The following RASAL2 variants were observed in gnomAD, a reference collection of about 807,000 sequenced individuals.
RASAL2 encodes the protein RAS protein activator like 2, also known as ras GTPase-activating protein nGAP.
In RASAL2, 58 loss-of-function variants were observed where a neutral mutation model predicts 128.9. The observed-to-expected ratio is 0.45, with a 90% CI of 0.36 to 0.56. RASAL2 has a LOEUF of 0.56. Among genes scored for constraint, RASAL2 ranks in the 20% least tolerant of loss-of-function variants. RASAL2 has a pLI of 0.00. For missense variants in RASAL2, 1,360 were observed against 1,601.6 expected (o/e 0.85, Z 2.57); for synonymous variants, 561 against 580.8 (o/e 0.97, Z 0.49).
chr1:178,203,384 T>G (rs1662938773), intron 1 of RASAL2, among the ~76,000 whole-genome samples: 1 of 152,148 alleles, frequency 6.6e-6, no homozygotes, highest in Non-Finnish European at 1.5e-5. Flanking sequence ...GCCATCTAGG[T>G]GAGAATACTT....
At chr1:178,175,948 C>T (rs945647044) in intron 1 of RASAL2, among the ~76,000 whole-genome samples, 1 of 152,082 alleles carries the variant, frequency 6.6e-6, no homozygotes, top group Non-Finnish European at 1.5e-5. Context: ...TCTTTATTCA[C>T]TTATTGGTTG....
intron 1 of RASAL2, among the ~76,000 whole-genome samples, chr1:178,116,849 A>G (rs1420309878): frequency 6.6e-6 from 1 of 152,114 alleles, no homozygotes; most frequent in Non-Finnish European, 1.5e-5. Context: ...TGACCTCGTG[A>G]TCCGCCTGCC....
At chr1:178,107,284 AC>A (rs1354449325) in intron 1 of RASAL2, among the ~76,000 whole-genome samples, 1 of 152,140 alleles carries the variant, frequency 6.6e-6, no homozygotes, top group African/African-American at 2.4e-5. Context: ...AAAATGTATT[AC>A]AAGCATTTTT....
intron 1 of RASAL2, among the ~76,000 whole-genome samples, chr1:178,267,713 A>G (rs963481109): frequency 3.4e-5 from 5 of 147,554 alleles, no homozygotes; most frequent in African/African-American, 1.0e-4. Flanking sequence ...AATTCAAGCT[A>G]TTCCCCTGCC....
In RASAL2 at chr1:178,253,144, G is replaced by A. The variant is rs561021723; in HGVS notation, c.203-30420G>A. 1.6e-3 allele frequency among the ~76,000 whole-genome samples: 242 copies of A among 152,234 alleles called. 1 individual carries two copies. Among genetic ancestry groups the A allele is most frequent in the Middle Eastern group, 3.4e-3 (1 of 294 alleles). ...TCTCTCCTTGTTTCTGGTGGTTGCT[G>A]ACAGTCTTTGGTGTTTCTTGGCATT... is the stretch of plus-strand genomic sequence containing the variant. On this transcript the variant is annotated intron_variant, in intron 1 of 17. Transcript: ENST00000367649.
intron 2 of RASAL2, among the ~76,000 whole-genome samples, chr1:178,283,985 T>C (rs1666906720): frequency 6.6e-6 from 1 of 152,054 alleles, no homozygotes; most frequent in Non-Finnish European, 1.5e-5. Flanking sequence ...CTGCAAATGA[T>C]CTCGAGGGGC....
intron 3 of RASAL2, among the ~76,000 whole-genome samples, chr1:178,347,562 G>A (rs931576364): frequency 2.6e-5 from 4 of 152,162 alleles, no homozygotes; most frequent in South Asian, 2.1e-4. Context: ...ATAACAAGGT[G>A]TGCAGCTATT....
At chr1:178,138,948 A>G (rs1660434263) in intron 1 of RASAL2, among the ~76,000 whole-genome samples, 1 of 152,094 alleles carries the variant, frequency 6.6e-6, no homozygotes, top group Non-Finnish European at 1.5e-5. Context: ...AAGATTATAT[A>G]ATACCCTTTG....
chr1:178,248,571 A>G (rs888106202), intron 1 of RASAL2, among the ~76,000 whole-genome samples: 4 of 152,138 alleles, frequency 2.6e-5, no homozygotes, highest in African/African-American at 7.2e-5. Context: ...TTAGTATGTG[A>G]ATTTGATCCT....
intron 1 of RASAL2, among the ~76,000 whole-genome samples, chr1:178,162,494 ATATTT>A (rs1268059303): frequency 1.4e-4 from 17 of 124,150 alleles, no homozygotes; most frequent in African/African-American, 4.3e-4. Context: ...TATAATATAT[ATATTT>A]TATATTATAT....
At chr1:178,311,097 A>G (rs974526972) in intron 3 of RASAL2, among the ~76,000 whole-genome samples, 2 of 152,138 alleles carry the variant, frequency 1.3e-5, no homozygotes, top group African/African-American at 4.8e-5. Context: ...TTCAGCCTGG[A>G]CATCTGGAGG....
chr1:178,324,072 A>G (rs1668916214), intron 3 of RASAL2, among the ~76,000 whole-genome samples: 1 of 152,206 alleles, frequency 6.6e-6, no homozygotes, highest in Non-Finnish European at 1.5e-5. Context: ...TCTCATCATT[A>G]ACTCTGAACC....
chr1:178,403,744 C>A (rs1002638821), intron 4 of RASAL2, among the ~76,000 whole-genome samples: 1 of 152,028 alleles, frequency 6.6e-6, no homozygotes, highest in Non-Finnish European at 1.5e-5. Flanking sequence ...GATGAATTCT[C>A]TAACCTTAAT....
rs748716656 is a variant in RASAL2, at chr1:178,196,165, A to T, written c.203-87399A>T. ...AGAAGTTCTACCCTCTCCTTGGGGT[A>T]CTTCTTCTCATTAATTTAAAAAAAT... On this transcript the variant is annotated intron_variant, in intron 1 of 17. Transcript: ENST00000367649. Among the ~76,000 whole-genome samples the T allele has an allele frequency of 2.6e-5, 4 of 152,270 alleles. No individual in the cohort carries two copies. The South Asian group carries it at 8.3e-4, about 32-fold the overall frequency.
chr1:178,395,207 A>C (rs1479336484), intron 4 of RASAL2, among the ~76,000 whole-genome samples: 1 of 152,190 alleles, frequency 6.6e-6, no homozygotes, highest in African/African-American at 2.4e-5. Context: ...TTAAATCAAA[A>C]TCTCTAGACT....
intron 2 of RASAL2, 95 bp from the exon 3 acceptor site, chr1:178,299,897 C>A: frequency 1.6e-6 from 2 of 1,284,872 alleles, no homozygotes; most frequent in Non-Finnish European, 2.2e-6. Context: ...CTTTGTTACA[C>A]ACTCCTGTCT....
chr1:178,454,172 G>A lies in RASAL2; in HGVS notation c.2010-275G>A, dbSNP rs533678194. 1.5e-3 allele frequency among the ~76,000 whole-genome samples: 214 copies of A among 141,062 alleles called. 2 individuals are homozygous for A. Among genetic ancestry groups the A allele is most frequent in the African/African-American group, 5.2e-3 (194 of 37,240 alleles). The allele number at this position is 141,062 out of a possible 152,430, so 92.5% of individuals were successfully genotyped here. A position where few individuals can be genotyped will look rare whatever the true frequency, so the allele number is the denominator to read the frequency against. ...TTGGTAGGTAAGTGAGGGCTATATT[G>A]CAGAGAAATTTAAATCCCAGAACTA... On this transcript the variant is annotated intron_variant, in intron 11 of 17. Coordinates refer to ENST00000367649, the MANE Select transcript of RASAL2 (RefSeq NM_170692.4).
At chr1:178,431,927 A>G (rs1254008814) in intron 5 of RASAL2, among the ~76,000 whole-genome samples, 1 of 149,138 alleles carries the variant, frequency 6.7e-6, no homozygotes, top group Non-Finnish European at 1.5e-5. Context: ...GTAATATGCT[A>G]TATATTACAT....
chr1:178,371,353 A>ACACAC (rs59882717), intron 3 of RASAL2, among the ~76,000 whole-genome samples: 33 of 109,690 alleles, frequency 3.0e-4, no homozygotes, highest in Admixed American at 2.7e-3. Flanking sequence ...CACACACACA[A>ACACAC]ATACACACAC....
Sources: gnomAD v4.1 joint callset for allele counts (sites outside exome capture counted in the v4.1 genomes callset) on GRCh38, gnomAD v4.1.1 for gene constraint, MANE v1.5 for transcripts, NCBI Gene and HGNC (gene_info 2026-07-23, HGNC 2026-07-21) for gene names.